UNC5D: variants seen among roughly 807,000 people sequenced by gnomAD.
UNC5D encodes the protein netrin receptor UNC5D.
UNC5D carries 39 observed loss-of-function variants against 105.4 expected under a neutral mutation model. The ratio of observed to expected loss-of-function variants is 0.37; its 90% CI spans 0.29 to 0.48. The LOEUF is 0.48. UNC5D is among the 20% of genes least tolerant of loss of function. The pLI is 0.98. For synonymous variants in UNC5D, 452 were observed against 450.4 expected, an observed-to-expected ratio of 1.00 and a Z score of -0.04; for missense variants, 991 against 1,202.4, an observed-to-expected ratio of 0.82 and a Z score of 2.60.
At chr8:35,716,737 G>T (rs1828270536) in intron 8 of UNC5D, among the ~76,000 whole-genome samples, 1 of 152,164 alleles carries the variant, frequency 6.6e-6, no homozygotes, top group Non-Finnish European at 1.5e-5. Flanking sequence ...GAAAGGCAGA[G>T]ATATTACGAG....
chr8:35,511,740 ATT>A (rs1443693416), intron 1 of UNC5D, among the ~76,000 whole-genome samples: 1 of 146,216 alleles, frequency 6.8e-6, no homozygotes, highest in African/African-American at 2.8e-5. Context: ...TAAAAAAAAA[ATT>A]AAAAAAAAAA....
chr8:35,487,161 C>T (rs536538811), intron 1 of UNC5D, among the ~76,000 whole-genome samples: 1 of 150,064 alleles, frequency 6.7e-6, no homozygotes, highest in African/African-American at 2.4e-5. Context: ...TAATGAGTCA[C>T]AGCATTCCTG....
chr8:35,386,564 T>C (rs1439343205), intron 1 of UNC5D, among the ~76,000 whole-genome samples: 1 of 152,222 alleles, frequency 6.6e-6, no homozygotes, highest in Non-Finnish European at 1.5e-5. Flanking sequence ...AGAAGAGCTG[T>C]TGCTGTATTG....
chr8:35,291,222 AG>A (rs1332042852), intron 1 of UNC5D, among the ~76,000 whole-genome samples: 1 of 152,206 alleles, frequency 6.6e-6, no homozygotes, highest in African/African-American at 2.4e-5. Flanking sequence ...ATTACTAGTA[AG>A]GAAACAAACT....
intron 16 of UNC5D, among the ~76,000 whole-genome samples, chr8:35,779,450 T>A (rs181340601): frequency 5.4e-4 from 82 of 152,080 alleles, no homozygotes; most frequent in Non-Finnish European, 8.4e-4. Flanking sequence ...CACAGGAGAG[T>A]GGCTTTTTTG....
At chr8:35,356,832 A>G (rs946897739) in intron 1 of UNC5D, among the ~76,000 whole-genome samples, 1 of 152,084 alleles carries the variant, frequency 6.6e-6, no homozygotes, top group Non-Finnish European at 1.5e-5. Flanking sequence ...GATGGTTCCT[A>G]AGTGACTAAT....
chr8:35,628,793 C>T (rs1821853623), intron 4 of UNC5D, among the ~76,000 whole-genome samples: 2 of 152,204 alleles, frequency 1.3e-5, no homozygotes, highest in African/African-American at 2.4e-5. Flanking sequence ...ATGAGACTTA[C>T]TCTCAGTGAT....
intron 1 of UNC5D, among the ~76,000 whole-genome samples, chr8:35,503,555 T>A (rs1474991986): frequency 6.6e-6 from 1 of 152,198 alleles, no homozygotes; most frequent in Non-Finnish European, 1.5e-5. Context: ...ACCATATCAG[T>A]TGGCAAGTGT....
intron 1 of UNC5D, among the ~76,000 whole-genome samples, chr8:35,237,179 GTTTTTTTTTTTT>G (rs3073013): frequency 4.9e-5 from 3 of 61,810 alleles, no homozygotes; most frequent in Non-Finnish European, 8.7e-5. Context: ...TTCCTGAAAA[GTTTTTTTTTTTT>G]TTTTTTTTTT....
intron 4 of UNC5D, among the ~76,000 whole-genome samples, chr8:35,610,575 G>C (rs1243712253): frequency 6.6e-6 from 1 of 152,152 alleles, no homozygotes; most frequent in East Asian, 1.9e-4. Context: ...AAGGAGCACA[G>C]GTTTGATGCT....
chr8:35,768,452 G>C (rs1232314184), intron 15 of UNC5D, among the ~76,000 whole-genome samples: 2 of 152,100 alleles, frequency 1.3e-5, no homozygotes, highest in Admixed American at 6.6e-5. Flanking sequence ...TTGTAGGAAG[G>C]CTTTAAAAAT....
At chr8:35,533,020 A>G (rs1429561634) in intron 1 of UNC5D, among the ~76,000 whole-genome samples, 36 of 145,092 alleles carry the variant, frequency 2.5e-4, no homozygotes, top group East Asian at 4.0e-4. Context: ...GAGTAATTTG[A>G]TCGTCTGAAG....
intron 1 of UNC5D, among the ~76,000 whole-genome samples, chr8:35,484,870 C>T (rs1810726921): frequency 6.6e-6 from 1 of 152,176 alleles, no homozygotes; most frequent in Non-Finnish European, 1.5e-5. Flanking sequence ...GAATGAATGA[C>T]AAAGTCTAGA....
intron 1 of UNC5D, among the ~76,000 whole-genome samples, chr8:35,332,404 G>C (rs953340508): frequency 3.9e-4 from 60 of 152,282 alleles, no homozygotes; most frequent in African/African-American, 1.3e-3. Context: ...AGCAGAGGCA[G>C]CAACAACAAC....
intron 1 of UNC5D, among the ~76,000 whole-genome samples, chr8:35,299,290 T>A (rs2128869204): frequency 6.6e-6 from 1 of 152,232 alleles, no homozygotes; most frequent in East Asian, 1.9e-4. Flanking sequence ...CATAGACTGT[T>A]TGAGGAATGG....
chr8:35,709,927 G>A (rs1277184347), intron 8 of UNC5D, among the ~76,000 whole-genome samples: 1 of 152,112 alleles, frequency 6.6e-6, no homozygotes, highest in Non-Finnish European at 1.5e-5. Flanking sequence ...AGAGAAGCAA[G>A]GTGAGGGAAG....
chr8:35,716,314 G>A (rs1418244400), intron 8 of UNC5D, among the ~76,000 whole-genome samples: 7 of 152,228 alleles, frequency 4.6e-5, no homozygotes, highest in Non-Finnish European at 1.0e-4. Context: ...GTGATCATCT[G>A]TGTAGTTCTT....
At chr8:35,320,581 C>T (rs1364523969) in intron 1 of UNC5D, among the ~76,000 whole-genome samples, 3 of 152,064 alleles carry the variant, frequency 2.0e-5, no homozygotes, top group African/African-American at 7.2e-5. Flanking sequence ...GGCTAAAATA[C>T]TTTCATTTCC....
In UNC5D at chr8:35,766,389, T is replaced by A. The variant is rs1052138679; in HGVS notation, c.2314-513T>A. ...TGTGTGATTTTGCACTGGGTATTAA[T>A]TTTTATGTTGGATACATTAGCAATA... On this transcript the variant is annotated intron_variant, in intron 14 of 16. Transcript: ENST00000404895. Among the ~76,000 whole-genome samples, 3 of 152,164 alleles carry A rather than the reference T, an allele frequency of 2.0e-5. 1 individual carries two copies. The highest frequency in any genetic ancestry group is 4.4e-5 in the Non-Finnish European group (3 of 68,032).
Sources: gnomAD v4.1 joint callset for allele counts (sites outside exome capture counted in the v4.1 genomes callset) on GRCh38, gnomAD v4.1.1 for gene constraint, MANE v1.5 for transcripts, NCBI Gene and HGNC (gene_info 2026-07-23, HGNC 2026-07-21) for gene names.